Variants in CHRNA7 observed in about 807,000 individuals in gnomAD.
CHRNA7 encodes the protein neuronal acetylcholine receptor subunit alpha-7.
A neutral mutation model predicts 48.0 loss-of-function variants in CHRNA7; 17 were observed. The observed-to-expected ratio is 0.35, with a 90% CI of 0.24 to 0.53. CHRNA7 has a LOEUF of 0.53. Among genes scored for constraint, CHRNA7 ranks in the 20% least tolerant of loss-of-function variants. The pLI is 0.92. For synonymous variants in CHRNA7, 75 were observed against 242.3 expected, an observed-to-expected ratio of 0.31 and a Z score of 6.41; for missense variants, 155 against 577.7, an observed-to-expected ratio of 0.27 and a Z score of 7.50.
intron 2 of CHRNA7, among the ~76,000 whole-genome samples, chr15:32,074,637 A>ATATTATTATTATTATTATTATTAT (rs113812797): frequency 4.9e-5 from 7 of 141,768 alleles, no homozygotes; most frequent in South Asian, 2.3e-4. Flanking sequence ...CACATTATTA[A>ATATTATTATTATTATTATTATTAT]TATTATTATT....
chr15:32,101,267 A>C (rs201473334), intron 2 of CHRNA7, 36 bp from the exon 3 acceptor site: 3 of 1,559,700 alleles, frequency 1.9e-6, no homozygotes, highest in Non-Finnish European at 2.6e-6. Context: ...TGTAAACCAT[A>C]TTATTTATGC....
At chr15:32,114,030 A>ATATG (rs1004971604) in intron 4 of CHRNA7, among the ~76,000 whole-genome samples, 2 of 86,832 alleles carry the variant, frequency 2.3e-5, no homozygotes, top group African/African-American at 8.2e-5. Flanking sequence ...ATATATATAT[A>ATATG]TATATATATA....
intron 2 of CHRNA7, among the ~76,000 whole-genome samples, chr15:32,076,157 T>C (rs2050133300): frequency 6.6e-6 from 1 of 152,170 alleles, no homozygotes; most frequent in African/African-American, 2.4e-5. Context: ...CATTGGGGTG[T>C]TGTGTAAATT....
chr15:32,114,377 C>G (rs562233187), intron 4 of CHRNA7, among the ~76,000 whole-genome samples: 1 of 152,120 alleles, frequency 6.6e-6, no homozygotes, highest in East Asian at 1.9e-4. Context: ...TACCAGGGTC[C>G]AGGCCCTTAG....
chr15:32,117,680 A>AG (rs946959121), intron 4 of CHRNA7, among the ~76,000 whole-genome samples: 3 of 152,168 alleles, frequency 2.0e-5, no homozygotes, highest in South Asian at 4.1e-4. Context: ...CATCCCAGCA[A>AG]GGGGTGCCTA....
chr15:32,112,677 G>T (rs2050783229), intron 4 of CHRNA7, among the ~76,000 whole-genome samples: 2 of 152,148 alleles, frequency 1.3e-5, no homozygotes, highest in African/African-American at 4.8e-5. Context: ...CGCTACCTTT[G>T]GTCATGAAGA....
In CHRNA7 at chr15:32,137,591, T is replaced by G. The variant is rs1016801168; in HGVS notation, c.351-16316T>G. On this transcript the variant is annotated intron_variant, in intron 4 of 9. Transcript: ENST00000306901. ...AAAAAAAATGTAAGTATGTAGGAGTTTTGAACAACACAGTTAACAAGTCTT... is the reference window on the plus strand; with the variant it reads ...AAAAAAAATGTAAGTATGTAGGAGTGTTGAACAACACAGTTAACAAGTCTT... Among the ~76,000 whole-genome samples the G allele has an allele frequency of 2.0e-5, 3 of 152,318 alleles. No individual in the cohort carries two copies. The South Asian group carries it at 6.2e-4, about 32-fold the overall frequency.
chr15:32,117,686 G>A (rs1472713537), intron 4 of CHRNA7, among the ~76,000 whole-genome samples: 1 of 152,136 alleles, frequency 6.6e-6, no homozygotes, highest in Non-Finnish European at 1.5e-5. Flanking sequence ...AGCAAGGGGT[G>A]CCTATTCTAC....
intron 3 of CHRNA7, among the ~76,000 whole-genome samples, chr15:32,106,240 G>T (rs1040792356): frequency 6.6e-6 from 1 of 152,214 alleles, no homozygotes; most frequent in African/African-American, 2.4e-5. Flanking sequence ...AACGGCTCTA[G>T]CAATGGGTTT....
At chr15:32,034,350 T>C (rs1901984014) in intron 2 of CHRNA7, among the ~76,000 whole-genome samples, 1 of 152,168 alleles carries the variant, frequency 6.6e-6, no homozygotes, top group Non-Finnish European at 1.5e-5. Context: ...GCAAGACTTC[T>C]CAGAAAATTT....
intron 2 of CHRNA7, among the ~76,000 whole-genome samples, chr15:32,074,417 G>A (rs796502264): frequency 3.4e-5 from 5 of 148,688 alleles, no homozygotes; most frequent in African/African-American, 1.2e-4. Context: ...TAGAATAAAA[G>A]TAGAGAGAGC....
intron 2 of CHRNA7, among the ~76,000 whole-genome samples, chr15:32,084,531 A>T (rs1332049729): frequency 6.6e-6 from 1 of 152,260 alleles, no homozygotes; most frequent in African/African-American, 2.4e-5. Context: ...TGGTGGCTCC[A>T]GTAGAGGACT....
Position 32,030,531 on chromosome 15 carries a change from G to T in CHRNA7, c.-64G>T, listed in dbSNP as rs1901753246. 9 of 1,379,698 alleles carry T rather than the reference G, an allele frequency of 6.5e-6. No homozygotes were observed. The highest frequency in any genetic ancestry group is 7.5e-6 in the Non-Finnish European group (8 of 1,071,892). 85.5% of individuals were successfully genotyped at this position (1,379,698 alleles called of 1,614,324 possible). On this transcript the variant is annotated 5_prime_UTR_variant, in exon 1 of 10. Coordinates refer to ENST00000306901, the MANE Select transcript of CHRNA7 (RefSeq NM_000746.6). Reference sequence around the variant, plus strand: ...CGGCGAGGTGCCTCTGTGGCCGCAGGCGCAGGCCCGGGCGACAGCCGAGAC... The same window carrying T: ...CGGCGAGGTGCCTCTGTGGCCGCAGTCGCAGGCCCGGGCGACAGCCGAGAC...
At chr15:32,119,877 C>G (rs536010959) in intron 4 of CHRNA7, among the ~76,000 whole-genome samples, 2 of 152,104 alleles carry the variant, frequency 1.3e-5, no homozygotes, top group African/African-American at 4.8e-5. Context: ...CGGGCTAACT[C>G]GGAGCCCACC....
At chr15:32,045,725 T>A (rs1027755075) in intron 2 of CHRNA7, among the ~76,000 whole-genome samples, 15 of 151,678 alleles carry the variant, frequency 9.9e-5, no homozygotes, top group Non-Finnish European at 1.5e-5. Context: ...CGTGCAGGTT[T>A]GTTACATATG....
intron 4 of CHRNA7, among the ~76,000 whole-genome samples, chr15:32,113,929 C>G (rs1233657041): frequency 2.0e-5 from 3 of 150,546 alleles, no homozygotes; most frequent in African/African-American, 4.9e-5. Context: ...ACTCAGGAGG[C>G]TGAGGTAGAA....
intron 2 of CHRNA7, among the ~76,000 whole-genome samples, chr15:32,071,672 C>G (rs1254147681): frequency 6.6e-6 from 1 of 152,114 alleles, no homozygotes; most frequent in Non-Finnish European, 1.5e-5. Flanking sequence ...AGCCTGGCAC[C>G]TCCTCCTCTC....
chr15:32,144,702 C>T (rs1379750973), intron 4 of CHRNA7, among the ~76,000 whole-genome samples: 6 of 152,170 alleles, frequency 3.9e-5, no homozygotes, highest in East Asian at 1.9e-4. Flanking sequence ...TCCACTTGAT[C>T]GAATCGGCTA....
At chr15:32,148,931 TCTC>T (rs1566875477) in intron 4 of CHRNA7, among the ~76,000 whole-genome samples, 2 of 152,102 alleles carry the variant, frequency 1.3e-5, no homozygotes, top group Non-Finnish European at 2.9e-5. Context: ...TGCAGACACC[TCTC>T]CTCCTCCTAC....
Sources: gnomAD v4.1 joint callset for allele counts (sites outside exome capture counted in the v4.1 genomes callset) on GRCh38, gnomAD v4.1.1 for gene constraint, MANE v1.5 for transcripts, NCBI Gene and HGNC (gene_info 2026-07-23, HGNC 2026-07-21) for gene names.